Variants in SASH1 observed in about 807,000 individuals in gnomAD.
SASH1 encodes the protein SAM and SH3 domain-containing protein 1.
Under a neutral mutation model 125.2 loss-of-function variants are expected in SASH1, and 44 were observed. The observed-to-expected ratio is 0.35, with a 90% CI of 0.28 to 0.45. The LOEUF (loss-of-function observed/expected upper bound fraction) is 0.45. SASH1 is among the 20% of genes least tolerant of loss of function. The pLI is 1.00. For missense variants in SASH1, 1,426 were observed against 1,614.5 expected (o/e 0.88, Z 2.00); for synonymous variants, 639 against 649.1 (o/e 0.98, Z 0.24).
At chr6:148,497,054 A>C (rs1207989516) in intron 8 of SASH1, among the ~76,000 whole-genome samples, 1 of 152,166 alleles carries the variant, frequency 6.6e-6, no homozygotes, top group Non-Finnish European at 1.5e-5. Context: ...TCTGTATTTT[A>C]ATAAAACCAT....
chr6:148,303,428 A>G (rs377349416), intron 1 of SASH1, among the ~76,000 whole-genome samples: 22 of 152,348 alleles, frequency 1.4e-4, no homozygotes, highest in African/African-American at 5.1e-4. Context: ...ATCATAGAGT[A>G]TGCTTTCTGA....
At chr6:148,517,284 G>A (rs1261172028) in intron 9 of SASH1, among the ~76,000 whole-genome samples, 3 of 152,152 alleles carry the variant, frequency 2.0e-5, no homozygotes, top group Non-Finnish European at 2.9e-5. Context: ...TGGCAGAGCC[G>A]GGCTGGATGC....
At chr6:148,275,014 A>G (rs1156419763) in intron 1 of SASH1, among the ~76,000 whole-genome samples, 1 of 152,142 alleles carries the variant, frequency 6.6e-6, no homozygotes, top group African/African-American at 2.4e-5. Flanking sequence ...CACCATGCCA[A>G]TTCACAGAAC....
chr6:148,346,489 A>G (rs1781525076), intron 1 of SASH1, among the ~76,000 whole-genome samples: 1 of 93,856 alleles, frequency 1.1e-5, no homozygotes, highest in African/African-American at 4.9e-5. Context: ...CAAGCTTGCA[A>G]AAAAAAAAAA....
intron 4 of SASH1, among the ~76,000 whole-genome samples, chr6:148,452,228 A>G (rs1230297357): frequency 6.6e-6 from 1 of 152,302 alleles, no homozygotes; most frequent in East Asian, 1.9e-4. Context: ...TGTTGTTATG[A>G]TATTAGGTAC....
intron 1 of SASH1, among the ~76,000 whole-genome samples, chr6:148,350,591 T>A (rs1781693599): frequency 6.6e-6 from 1 of 152,168 alleles, no homozygotes; most frequent in African/African-American, 2.4e-5. Context: ...TTTTTAAGAG[T>A]GCTGTGGTGC....
chr6:148,309,479 T>G (rs1209245292), intron 1 of SASH1, among the ~76,000 whole-genome samples: 1 of 152,104 alleles, frequency 6.6e-6, no homozygotes, highest in Admixed American at 6.6e-5. Flanking sequence ...TCCACCCATA[T>G]CCACCCACTA....
chr6:148,267,512 G>A (rs974785774), upstream of SASH1, among the ~76,000 whole-genome samples: 3 of 151,972 alleles, frequency 2.0e-5, no homozygotes, highest in African/African-American at 7.2e-5. Context: ...CCGAGTAGCT[G>A]GGACTACAGG....
At chr6:148,367,950 A>T (rs1315055636) in intron 1 of SASH1, among the ~76,000 whole-genome samples, 1 of 152,206 alleles carries the variant, frequency 6.6e-6, no homozygotes, top group East Asian at 1.9e-4. Context: ...CCTCAGGAAG[A>T]AATAATGGAG....
At chr6:148,421,397 G>C (rs1562397174) in intron 2 of SASH1, among the ~76,000 whole-genome samples, 2 of 152,266 alleles carry the variant, frequency 1.3e-5, no homozygotes, top group East Asian at 3.9e-4. Context: ...TCCACCCTCC[G>C]GGTTCAAGCA....
chr6:148,268,524 T>G (rs570286134), upstream of SASH1, among the ~76,000 whole-genome samples: 1 of 152,318 alleles, frequency 6.6e-6, no homozygotes, highest in African/African-American at 2.4e-5. Context: ...TCTGTGCAAT[T>G]TCCCTCATCT....
chr6:148,234,781 T>C, the SASH1 span, among the ~76,000 whole-genome samples: 8 of 150,022 alleles, frequency 5.3e-5, no homozygotes, highest in African/African-American at 2.0e-4. Flanking sequence ...GAGCCGAGAC[T>C]GCGCCATTGC....
At chr6:148,534,972 A>T in intron 16 of SASH1, 71 bp downstream of exon 16, 4 of 1,507,624 alleles carry the variant, frequency 2.7e-6, no homozygotes, top group Non-Finnish European at 3.7e-6. Flanking sequence ...TGCTGCCAGT[A>T]TGTGCTTAGG....
the SASH1 span, among the ~76,000 whole-genome samples, chr6:148,238,956 G>A: frequency 6.6e-6 from 1 of 152,110 alleles, no homozygotes; most frequent in African/African-American, 2.4e-5. Context: ...CAGGGAGCTG[G>A]GCAGAGGTAT....
intron 2 of SASH1, among the ~76,000 whole-genome samples, chr6:148,424,588 C>T (rs949549486): frequency 6.6e-6 from 1 of 152,176 alleles, no homozygotes; most frequent in African/African-American, 2.4e-5. Context: ...TCACTGTAAC[C>T]TCTAACTCCT....
At chr6:148,520,003 C>G (rs1448324205) in intron 10 of SASH1, 110 bp downstream of exon 10, 2 of 712,972 alleles carry the variant, frequency 2.8e-6, no homozygotes, top group Non-Finnish European at 4.6e-6. Flanking sequence ...TTGAAGAAAA[C>G]GGATACTAAT....
At chr6:148,477,822 C>T (rs965273553) in intron 7 of SASH1, among the ~76,000 whole-genome samples, 4 of 151,800 alleles carry the variant, frequency 2.6e-5, no homozygotes, top group Non-Finnish European at 4.4e-5. Context: ...CTCAGCCTCC[C>T]GAGAAGCTGG....
In SASH1 at chr6:148,533,815, C is replaced by T; in HGVS notation, c.1779C>T (p.Thr593=). The change falls in exon 15 of 20, where the codon ACC becomes ACT. Residue 593 remains threonine, a synonymous_variant. Transcript: ENST00000367467. This position sits in a 1 kb window ranked among gnomAD's most constrained non-coding sequence, Gnocchi z 6.2. ...TAATCAGCAAGCCACCCATGGGGAC[C>T]TGGATGGGCCTGCTGAACAACAAAG... ...IDIISKPPMG[T]WMGLLNNKVG... is the part of the protein sequence containing the mutation. The T allele has an allele frequency of 6.2e-7, 1 of 1,613,928 alleles. No individual in the cohort carries two copies.
At chr6:148,205,126 AC>A in the SASH1 span, among the ~76,000 whole-genome samples, 1 of 152,156 alleles carries the variant, frequency 6.6e-6, no homozygotes, top group Non-Finnish European at 1.5e-5. Flanking sequence ...TCCTTTAAGT[AC>A]CTGCTGCTTT....
Sources: allele counts gnomAD v4.1 joint callset (sites outside exome capture counted in the v4.1 genomes callset), GRCh38; gene constraint gnomAD v4.1.1; non-coding constraint Gnocchi (gnomAD v3.1); transcripts MANE v1.5; gene names NCBI Gene and HGNC (gene_info 2026-07-23, HGNC 2026-07-21).